PPARD: variants seen among roughly 807,000 people sequenced by gnomAD.
The protein encoded by PPARD is peroxisome proliferator activated receptor delta.
In PPARD, 6 loss-of-function variants were observed where a neutral mutation model predicts 39.5. The observed-to-expected ratio is 0.15, with a 90% CI of 0.08 to 0.30. The LOEUF (loss-of-function observed/expected upper bound fraction) is 0.30. Ranked by LOEUF, PPARD falls within the 10% of genes least tolerant of loss-of-function variation. The pLI is 1.00. For synonymous variants in PPARD, 210 were observed against 231.3 expected (o/e 0.91, Z 0.83); for missense variants, 397 against 596.8 (o/e 0.67, Z 3.49).
chr6:35,424,374 G>A lies in PPARD; in HGVS notation c.673G>A (p.Gly225Arg). 6.2e-7 allele frequency: 1 copy of A among 1,613,674 alleles called. No homozygotes were observed. The highest frequency in any genetic ancestry group is 8.5e-7 in the Non-Finnish European group (1 of 1,179,626). ...CGAGACATTGTGGCAGGCAGAGAAG[G>A]GGCTGGTGTGGAAGCAGTTGGTGAA... ...DIETLWQAEKGLVWKQLVNGL... is the reference protein window; with the variant it reads ...DIETLWQAEKRLVWKQLVNGL... Residue 225 changes from glycine (G) to arginine (R), a missense_variant, in exon 7 of 8, where the codon GGG becomes AGG. Physicochemically the swap from Gly to Arg is moderately radical, Grantham distance 125. Coordinates refer to ENST00000360694, the MANE Select transcript of PPARD (RefSeq NM_006238.5). The surrounding 1 kb of genome is among the most constrained non-coding windows in gnomAD (Gnocchi z 7.1).
At chr6:35,404,022 T>G (rs578052956) in intron 2 of PPARD, among the ~76,000 whole-genome samples, 2 of 152,146 alleles carry the variant, frequency 1.3e-5, no homozygotes, top group South Asian at 4.1e-4. Flanking sequence ...TTGACCAAGG[T>G]GTTCTTGACA....
chr6:35,346,946 C>T (rs1024703093), intron 1 of PPARD, 121 bp from the exon 2 acceptor site: 11 of 603,440 alleles, frequency 1.8e-5, no homozygotes, highest in Admixed American at 1.3e-4. Context: ...AAGGGACCGA[C>T]GAGGAGCCAG....
At chr6:35,348,371 G>T (rs1235558906) in intron 2 of PPARD, 2 of 985,308 alleles carry the variant, frequency 2.0e-6, no homozygotes, top group Non-Finnish European at 2.4e-6. Flanking sequence ...AGGGGTAGGA[G>T]GTTCTCACCA....
At chr6:35,364,221 A>C (rs1314193619) in intron 2 of PPARD, among the ~76,000 whole-genome samples, 1 of 152,124 alleles carries the variant, frequency 6.6e-6, no homozygotes, top group Non-Finnish European at 1.5e-5. Flanking sequence ...TGTAGCATAT[A>C]ATAGTACTGT....
intron 3 of PPARD, among the ~76,000 whole-genome samples, chr6:35,411,569 C>T (rs9658136): frequency 0.017 from 2,560 of 152,286 alleles, 34 homozygotes; most frequent in Middle Eastern, 0.041. Flanking sequence ...AGACCAATCT[C>T]CACTAACAGC....
chr6:35,354,394 G>C (rs1334208942), intron 2 of PPARD, among the ~76,000 whole-genome samples: 1 of 146,258 alleles, frequency 6.8e-6, no homozygotes, highest in African/African-American at 2.5e-5. Context: ...TCTGCCTCCC[G>C]GGTTAAAGTG....
Position 35,375,341 on chromosome 6 carries a change from C to T in PPARD, c.-102+28191C>T, listed in dbSNP as rs530386612. Among the ~76,000 whole-genome samples the T allele has an allele frequency of 3.7e-4, 56 of 151,738 alleles. No homozygotes were observed. In the Middle Eastern group the frequency reaches 0.014, roughly 37 times the overall value. On this transcript the variant is annotated intron_variant, in intron 2 of 7. Coordinates refer to ENST00000360694, the MANE Select transcript of PPARD (RefSeq NM_006238.5). ...CAAGTGATTCTCCTGCCTCAGCCTC[C>T]CAAGTAGCTGGGACTACAGGCACGT...
Position 35,376,944 on chromosome 6 carries a change from C to T in PPARD, c.-102+29794C>T, listed in dbSNP as rs376044550. Among the ~76,000 whole-genome samples the T allele has an allele frequency of 2.0e-5, 3 of 150,944 alleles. No individual in the cohort carries two copies. In the East Asian group the frequency reaches 5.9e-4, roughly 30 times the overall value. ...CTGAGGCAGGAGAATGGCATGAACC[C>T]GGGAGGCAGAGCTTGCAGTGAGCTG... On this transcript the variant is annotated intron_variant, in intron 2 of 7. Coordinates refer to ENST00000360694, the MANE Select transcript of PPARD (RefSeq NM_006238.5).
chr6:35,359,839 T>G (rs574229137), intron 2 of PPARD, among the ~76,000 whole-genome samples: 2 of 152,334 alleles, frequency 1.3e-5, no homozygotes, highest in South Asian at 4.1e-4. Flanking sequence ...AGGCTCAGAC[T>G]GGTTAGGAAA....
Position 35,374,309 on chromosome 6 carries a change from G to GGGA in PPARD, c.-102+27161_-102+27162insAGG, listed in dbSNP as rs1554205492. Among the ~76,000 whole-genome samples, 59 of 125,728 alleles carry GGGA rather than the reference G, an allele frequency of 4.7e-4. 1 individual carries two copies. The highest frequency in any genetic ancestry group is 2.7e-3 in the African/African-American group (57 of 21,204). The allele number at this position is 125,728 out of a possible 152,430, so 82.5% of individuals were successfully genotyped here. A position where few individuals can be genotyped will look rare whatever the true frequency, so the allele number is the denominator to read the frequency against. On this transcript the variant is annotated intron_variant, in intron 2 of 7. Transcript: ENST00000360694. ...AAGGTCATGGTTAGTTCTCGGCGGT[G>GGGA]GGGCGGGGGGGTTTAGTGGGCAATT...
Position 35,424,948 on chromosome 6 carries a change from C to T in PPARD, c.1078+169C>T. The stretch of plus-strand genomic sequence containing the variant: ...ACTGAGCATGCAGGATCAGCTCCAT[C>T]TCATTATGTACGTAGATAGAGGTGG... On this transcript the variant is annotated intron_variant, in intron 7 of 7. Transcript: ENST00000360694. The surrounding 1 kb of genome is among the most constrained non-coding windows in gnomAD (Gnocchi z 7.1). 7.0e-7 allele frequency: 1 copy of T among 1,437,140 alleles called. No individual in the cohort carries two copies. Among genetic ancestry groups the T allele is most frequent in the Non-Finnish European group, 9.1e-7 (1 of 1,100,288 alleles). 89.0% of individuals were successfully genotyped at this position (1,437,140 alleles called of 1,614,324 possible).
intron 2 of PPARD, among the ~76,000 whole-genome samples, chr6:35,356,629 T>G (rs1323802876): frequency 6.6e-6 from 1 of 152,208 alleles, no homozygotes; most frequent in Non-Finnish European, 1.5e-5. Context: ...GTTTGTGCAT[T>G]GTAGGATGTT....
chr6:35,397,444 C>T, intron 2 of PPARD: 4 of 768,940 alleles, frequency 5.2e-6, no homozygotes, highest in Non-Finnish European at 6.3e-6. Context: ...TAGATTCGCT[C>T]TCCACCACAT....
chr6:35,347,510 G>A (rs904053923), intron 2 of PPARD, among the ~76,000 whole-genome samples: 7 of 151,972 alleles, frequency 4.6e-5, no homozygotes, highest in African/African-American at 1.7e-4. Context: ...ACGAACTTTC[G>A]TCTTTGCCTA....
chr6:35,395,046 A>G (rs1189627427), intron 2 of PPARD, among the ~76,000 whole-genome samples: 1 of 151,998 alleles, frequency 6.6e-6, no homozygotes, highest in African/African-American at 2.4e-5. Flanking sequence ...ACTCAGCACT[A>G]ATGCTCTCTC....
chr6:35,411,302 A>T (rs1310753916), intron 3 of PPARD, 85 bp downstream of exon 3: 8 of 1,340,218 alleles, frequency 6.0e-6, no homozygotes, highest in Non-Finnish European at 7.8e-6. Flanking sequence ...AAACGCCATC[A>T]TGTGGGGCGC....
intron 2 of PPARD, among the ~76,000 whole-genome samples, chr6:35,405,000 TAC>T (rs1047997658): frequency 4.9e-5 from 7 of 142,432 alleles, no homozygotes; most frequent in South Asian, 2.3e-4. Context: ...TGTGTGTGTG[TAC>T]ACACATACAT....
intron 2 of PPARD, among the ~76,000 whole-genome samples, chr6:35,377,247 C>T (rs1204094044): frequency 6.6e-6 from 1 of 152,180 alleles, no homozygotes; most frequent in African/African-American, 2.4e-5. Flanking sequence ...TTCAATTCTT[C>T]TCGCACATAG....
chr6:35,374,861 C>G (rs971763051), intron 2 of PPARD, among the ~76,000 whole-genome samples: 1 of 152,108 alleles, frequency 6.6e-6, no homozygotes, highest in Non-Finnish European at 1.5e-5. Context: ...CCACATCCCC[C>G]TGGTCACCTG....
Sources: gnomAD v4.1 joint callset for allele counts (sites outside exome capture counted in the v4.1 genomes callset) on GRCh38, gnomAD v4.1.1 for gene constraint, Gnocchi (gnomAD v3.1) non-coding constraint, MANE v1.5 for transcripts, NCBI Gene and HGNC (gene_info 2026-07-23, HGNC 2026-07-21) for gene names.